The following PDE3A variants were observed in gnomAD, a reference collection of about 807,000 sequenced individuals.
PDE3A encodes phosphodiesterase 3A, also known as cGMP-inhibited 3',5'-cyclic phosphodiesterase 3A.
Under a neutral mutation model 98.3 loss-of-function variants are expected in PDE3A, and 43 were observed. The ratio of observed to expected loss-of-function variants is 0.44; its 90% CI spans 0.34 to 0.56. The LOEUF (loss-of-function observed/expected upper bound fraction) is 0.56. Among genes scored for constraint, PDE3A ranks in the 20% least tolerant of loss-of-function variants. The probability of loss-of-function intolerance (pLI) is 0.01; values close to 1 mark genes in which losing one functional copy is unlikely to be tolerated. For synonymous variants in PDE3A, 663 were observed against 567.9 expected, an observed-to-expected ratio of 1.17 and a Z score of -2.38; for missense variants, 1,427 against 1,440.7, an observed-to-expected ratio of 0.99 and a Z score of 0.15.
intron 1 of PDE3A, among the ~76,000 whole-genome samples, chr12:20,532,358 A>AAAATAATT (rs138343748): frequency 6.6e-6 from 1 of 151,880 alleles, no homozygotes; most frequent in African/African-American, 2.4e-5. Context: ...TAAATCATGT[A>AAAATAATT]ATTTATGCAA....
chr12:20,571,293 G>A (rs1942797133), intron 2 of PDE3A, among the ~76,000 whole-genome samples: 2 of 152,120 alleles, frequency 1.3e-5, no homozygotes, highest in Non-Finnish European at 2.9e-5. Flanking sequence ...ACTGAGTACT[G>A]TGTTGAAAGA....
chr12:20,508,178 C>A (rs67369958), intron 1 of PDE3A, among the ~76,000 whole-genome samples: 42,286 of 151,752 alleles, frequency 0.28, 6,864 homozygotes, highest in East Asian at 0.54. Flanking sequence ...CCACTTTGTC[C>A]CCAGTTATCC....
intron 2 of PDE3A, among the ~76,000 whole-genome samples, chr12:20,580,613 T>C (rs1367195192): frequency 3.3e-5 from 5 of 152,226 alleles, no homozygotes; most frequent in Non-Finnish European, 7.3e-5. Flanking sequence ...CTAGTGTGCA[T>C]TTTGACAAGC....
At chr12:20,408,557 T>G (rs1944275689) in intron 1 of PDE3A, among the ~76,000 whole-genome samples, 1 of 152,212 alleles carries the variant, frequency 6.6e-6, no homozygotes, top group Admixed American at 6.5e-5. Flanking sequence ...TTTCTTTTCA[T>G]AAGGGTCATT....
intron 2 of PDE3A, chr12:20,557,124 T>C (rs1592055041): frequency 5.7e-6 from 1 of 174,342 alleles, no homozygotes; most frequent in East Asian, 1.8e-4. Context: ...CAAGATTTTG[T>C]CTCTAAATTA....
chr12:20,506,399 C>T (rs1946119467), intron 1 of PDE3A, among the ~76,000 whole-genome samples: 1 of 151,986 alleles, frequency 6.6e-6, no homozygotes, highest in Non-Finnish European at 1.5e-5. Context: ...TTTTCTGCAT[C>T]TGTCCCCCAC....
intron 1 of PDE3A, among the ~76,000 whole-genome samples, chr12:20,386,247 TATTA>T (rs1380163371): frequency 3.9e-5 from 5 of 126,682 alleles, no homozygotes; most frequent in African/African-American, 1.5e-4. Flanking sequence ...AATATAAATA[TATTA>T]ATTATATTAA....
intron 4 of PDE3A, among the ~76,000 whole-genome samples, chr12:20,620,924 C>T (rs1944118263): frequency 6.6e-6 from 1 of 152,008 alleles, no homozygotes; most frequent in South Asian, 2.1e-4. Flanking sequence ...ACACTTACAG[C>T]TTATGTAAAT....
intron 1 of PDE3A, among the ~76,000 whole-genome samples, chr12:20,511,996 C>G (rs534951745): frequency 6.6e-6 from 1 of 151,882 alleles, no homozygotes; most frequent in Non-Finnish European, 1.5e-5. Context: ...AGAATATACA[C>G]GACTAGCATT....
At chr12:20,535,997 T>C (rs1941738462) in intron 1 of PDE3A, among the ~76,000 whole-genome samples, 1 of 152,158 alleles carries the variant, frequency 6.6e-6, no homozygotes, top group South Asian at 2.1e-4. Context: ...TGGAGTATTA[T>C]GCCTGGAGCC....
intron 2 of PDE3A, among the ~76,000 whole-genome samples, chr12:20,560,034 A>T (rs2121281332): frequency 6.6e-6 from 1 of 152,246 alleles, no homozygotes; most frequent in South Asian, 2.1e-4. Flanking sequence ...GAAACTGAGT[A>T]CTCTAAGAAT....
chr12:20,515,110 C>T (rs766032367), intron 1 of PDE3A, among the ~76,000 whole-genome samples: 32 of 152,284 alleles, frequency 2.1e-4, no homozygotes, highest in Admixed American at 7.8e-4. Flanking sequence ...CCTCAGGGCC[C>T]GTTCAACTCT....
chr12:20,410,892 C>T (rs933979382), intron 1 of PDE3A, among the ~76,000 whole-genome samples: 1 of 152,210 alleles, frequency 6.6e-6, no homozygotes, highest in African/African-American at 2.4e-5. Context: ...ATTTCCTGTT[C>T]TGTCCACAGA....
rs142642520 is a variant in PDE3A, at chr12:20,393,597, C to T, written c.960+23353C>T. ...TACACATTGTATACATATATCCAAA[C>T]GTTACATATACCCCAAACTATGTAC... On this transcript the variant is annotated intron_variant, in intron 1 of 15. Transcript: ENST00000359062. Among the ~76,000 whole-genome samples, 15 of 151,970 alleles carry T rather than the reference C, an allele frequency of 9.9e-5. 1 individual carries two copies. Among genetic ancestry groups the T allele is most frequent in the East Asian group, 9.7e-4 (5 of 5,156 alleles).
At chr12:20,674,679 G>C (rs891248859) in intron 15 of PDE3A, among the ~76,000 whole-genome samples, 1 of 151,952 alleles carries the variant, frequency 6.6e-6, no homozygotes, top group Non-Finnish European at 1.5e-5. Flanking sequence ...ATTCAATCTT[G>C]GTATATGTGT....
At chr12:20,523,042 A>C (rs1946457456) in intron 1 of PDE3A, among the ~76,000 whole-genome samples, 1 of 151,624 alleles carries the variant, frequency 6.6e-6, no homozygotes, top group African/African-American at 2.4e-5. Context: ...CTAAATACCA[A>C]GTCCTGGGGT....
chr12:20,470,744 G>T (rs1476512790), intron 1 of PDE3A, among the ~76,000 whole-genome samples: 1 of 150,464 alleles, frequency 6.6e-6, no homozygotes, highest in Middle Eastern at 3.2e-3. Flanking sequence ...CTTTCACAGT[G>T]CAATGCTGTG....
rs781308201 is a variant in PDE3A at position 20,613,705 on chromosome 12, G to A, written c.1269+5G>A. On this transcript the variant is annotated splice_donor_5th_base_variant and intron_variant, in intron 3 of 15. Coordinates refer to ENST00000359062, the MANE Select transcript of PDE3A (RefSeq NM_000921.5). ...GACAAGCTTGCTATTCCAAAGGTAG[G>A]TAGTAATGACATACCCCTTAAAGGG... The A allele has an allele frequency of 6.2e-7, 1 of 1,612,540 alleles. No individual in the cohort carries two copies. The highest frequency in any genetic ancestry group is 1.1e-5 in the South Asian group (1 of 91,066).
chr12:20,574,873 C>G (rs1942892195), intron 2 of PDE3A, among the ~76,000 whole-genome samples: 1 of 152,046 alleles, frequency 6.6e-6, no homozygotes, highest in Non-Finnish European at 1.5e-5. Flanking sequence ...GGAGATTATA[C>G]TGCCTCATAA....
Sources: allele counts gnomAD v4.1 joint callset (sites outside exome capture counted in the v4.1 genomes callset), GRCh38; gene constraint gnomAD v4.1.1; transcripts MANE v1.5; gene names NCBI Gene and HGNC (gene_info 2026-07-23, HGNC 2026-07-21).